Variants in GRID2 observed in about 807,000 individuals in gnomAD.
GRID2 encodes glutamate ionotropic receptor delta type subunit 2.
A neutral mutation model predicts 114.8 loss-of-function variants in GRID2; 33 were observed. The observed-to-expected ratio is 0.29, with a 90% CI of 0.22 to 0.38. The LOEUF (loss-of-function observed/expected upper bound fraction) is 0.38, where lower values mean the gene tolerates loss of function less well. Ranked by LOEUF, GRID2 falls within the 10% of genes least tolerant of loss-of-function variation. The pLI, the probability that GRID2 is intolerant of heterozygous loss-of-function variation, is 1.00. For missense variants in GRID2, 1,184 were observed against 1,257.7 expected (o/e 0.94, Z 0.89); for synonymous variants, 505 against 449.9 (o/e 1.12, Z -1.55).
At chr4:93,512,922 A>G (rs1037202919) in intron 12 of GRID2, among the ~76,000 whole-genome samples, 3 of 152,200 alleles carry the variant, frequency 2.0e-5, no homozygotes, top group Non-Finnish European at 4.4e-5. Context: ...GATAAGAAGG[A>G]GCACTAATTT....
At chr4:93,075,883 C>CTCTTTTTTTTTTTTTTTTTTTTTTT in intron 2 of GRID2, among the ~76,000 whole-genome samples, 1 of 76,606 alleles carries the variant, frequency 1.3e-5, no homozygotes, top group South Asian at 4.3e-4. Flanking sequence ...AGTTACCTCT[C>CTCTTTTTTTTTTTTTTTTTTTTTTT]TTTTTTTTTT....
intron 13 of GRID2, among the ~76,000 whole-genome samples, chr4:93,567,245 AT>A (rs1237590785): frequency 1.3e-5 from 2 of 152,168 alleles, no homozygotes; most frequent in Non-Finnish European, 2.9e-5. Context: ...TGATATGGTT[AT>A]TTCCCCCCAC....
At chr4:92,430,945 G>A (rs1732410141) in intron 1 of GRID2, among the ~76,000 whole-genome samples, 1 of 152,070 alleles carries the variant, frequency 6.6e-6, no homozygotes, top group South Asian at 2.1e-4. Flanking sequence ...AATTTTGTAT[G>A]TTGACTTTTT....
intron 11 of GRID2, among the ~76,000 whole-genome samples, chr4:93,465,658 G>A (rs1277245779): frequency 6.6e-6 from 1 of 152,034 alleles, no homozygotes; most frequent in Admixed American, 6.6e-5. Flanking sequence ...GTTTCCAAAG[G>A]CCACGGCAAG....
At chr4:93,046,675 C>T (rs552322539) in intron 2 of GRID2, among the ~76,000 whole-genome samples, 1 of 152,032 alleles carries the variant, frequency 6.6e-6, no homozygotes, top group African/African-American at 2.4e-5. Flanking sequence ...ATCTTGCCAA[C>T]TCTACCTTGT....
chr4:93,775,952 G>A (rs1009567568), downstream of GRID2, among the ~76,000 whole-genome samples: 1 of 152,164 alleles, frequency 6.6e-6, no homozygotes, highest in Admixed American at 6.5e-5. Context: ...TTAAATAAAA[G>A]ATGGGAAGAT....
At chr4:92,370,080 A>G (rs1378707692) in intron 1 of GRID2, among the ~76,000 whole-genome samples, 2 of 152,096 alleles carry the variant, frequency 1.3e-5, no homozygotes, top group African/African-American at 2.4e-5. Flanking sequence ...TTTTACCAAC[A>G]ACATGTGCTC....
At chr4:92,485,300 GCATA>G (rs1267015706) in intron 1 of GRID2, among the ~76,000 whole-genome samples, 110 of 35,180 alleles carry the variant, frequency 3.1e-3, no homozygotes, top group Admixed American at 5.2e-3. Flanking sequence ...TAAGGTGTGT[GCATA>G]TATATATATA....
chr4:92,915,801 T>A (rs989231756), intron 2 of GRID2, among the ~76,000 whole-genome samples: 1 of 152,180 alleles, frequency 6.6e-6, no homozygotes, highest in African/African-American at 2.4e-5. Context: ...TTGATTTGCA[T>A]TTCTCTAATG....
chr4:92,549,448 A>C (rs981715459), intron 1 of GRID2, among the ~76,000 whole-genome samples: 3 of 152,114 alleles, frequency 2.0e-5, no homozygotes. Context: ...GTCCTCATTC[A>C]CACACATCAC....
At chr4:92,783,474 A>G (rs140632251) in intron 2 of GRID2, among the ~76,000 whole-genome samples, 56 of 152,230 alleles carry the variant, frequency 3.7e-4, no homozygotes, top group South Asian at 1.4e-3. Flanking sequence ...AAAGTGTCTG[A>G]ATTTTTTATG....
chr4:92,439,059 G>T (rs376597824), intron 1 of GRID2, among the ~76,000 whole-genome samples: 4 of 152,028 alleles, frequency 2.6e-5, no homozygotes, highest in East Asian at 1.9e-4. Context: ...GAGAGTCAGC[G>T]AAGGGAGATA....
chr4:93,048,209 G>A (rs927601827), intron 2 of GRID2, among the ~76,000 whole-genome samples: 1 of 152,032 alleles, frequency 6.6e-6, no homozygotes, highest in African/African-American at 2.4e-5. Context: ...CAGCATCTGG[G>A]TGCCAGCCAG....
intron 14 of GRID2, among the ~76,000 whole-genome samples, chr4:93,721,744 C>T (rs1729390667): frequency 6.6e-6 from 1 of 151,812 alleles, no homozygotes. Context: ...CTTTAAAAGA[C>T]CTATAATTTA....
chr4:92,709,585 A>T (rs1290714184), intron 2 of GRID2, among the ~76,000 whole-genome samples: 114 of 124,344 alleles, frequency 9.2e-4, no homozygotes, highest in African/African-American at 3.3e-3. Context: ...AAAAAAAAAA[A>T]AAAAATATAT....
chr4:93,392,728 A>G (rs923592330), intron 8 of GRID2, among the ~76,000 whole-genome samples: 3 of 152,062 alleles, frequency 2.0e-5, no homozygotes, highest in African/African-American at 7.2e-5. Flanking sequence ...GTCGTTGACT[A>G]TAAAGTAGAA....
intron 4 of GRID2, among the ~76,000 whole-genome samples, chr4:93,206,998 T>C (rs950405891): frequency 2.0e-5 from 3 of 152,102 alleles, no homozygotes; most frequent in Admixed American, 6.6e-5. Context: ...AGCCAGATTG[T>C]AGAAGCTATG....
At chr4:92,632,610 C>T (rs1269403681) in intron 2 of GRID2, among the ~76,000 whole-genome samples, 3 of 151,546 alleles carry the variant, frequency 2.0e-5, no homozygotes, top group Non-Finnish European at 4.4e-5. Context: ...CCAGCCTGAG[C>T]CACGGAGCGA....
chr4:92,868,628 T>C (rs568400294), intron 2 of GRID2, among the ~76,000 whole-genome samples: 1 of 152,134 alleles, frequency 6.6e-6, no homozygotes, highest in Non-Finnish European at 1.5e-5. Context: ...GCCATCTTTA[T>C]AGTAGTTTGT....
Sources: gnomAD v4.1 joint callset for allele counts (sites outside exome capture counted in the v4.1 genomes callset) on GRCh38, gnomAD v4.1.1 for gene constraint, MANE v1.5 for transcripts, NCBI Gene and HGNC (gene_info 2026-07-23, HGNC 2026-07-21) for gene names.